Variants in LRP1B observed in about 807,000 individuals in gnomAD.
LRP1B encodes low-density lipoprotein receptor-related protein 1B.
A neutral mutation model predicts 556.6 loss-of-function variants in LRP1B; 217 were observed. The ratio of observed to expected loss-of-function variants is 0.39; its 90% CI spans 0.35 to 0.44. The LOEUF is 0.44. Ranked by LOEUF, LRP1B falls within the 20% of genes least tolerant of loss-of-function variation. The pLI, the probability that LRP1B is intolerant of heterozygous loss-of-function variation, is 1.00. For synonymous variants in LRP1B, 2,047 were observed against 1,865.8 expected, an observed-to-expected ratio of 1.10 and a Z score of -2.50; for missense variants, 5,053 against 5,620.8, an observed-to-expected ratio of 0.90 and a Z score of 3.23.
intron 18 of LRP1B, 40 bp downstream of exon 18, chr2:140,982,120 A>G: frequency 6.7e-7 from 1 of 1,496,572 alleles, no homozygotes; most frequent in East Asian, 2.3e-5. Flanking sequence ...ATCCTATCTG[A>G]CACAATCTGT....
intron 18 of LRP1B, among the ~76,000 whole-genome samples, chr2:140,958,808 A>C (rs1168442632): frequency 6.6e-6 from 1 of 151,608 alleles, no homozygotes; most frequent in Non-Finnish European, 1.5e-5. Context: ...TGGAGTGAGA[A>C]ATTTACCCAC....
At chr2:141,649,223 A>G (rs1689694497) in intron 2 of LRP1B, among the ~76,000 whole-genome samples, 1 of 152,142 alleles carries the variant, frequency 6.6e-6, no homozygotes, top group Non-Finnish European at 1.5e-5. Flanking sequence ...GCCTGGTAAG[A>G]TAAGGACAGG....
At chr2:140,809,799 C>A (rs1217990266) in intron 32 of LRP1B, among the ~76,000 whole-genome samples, 1 of 152,266 alleles carries the variant, frequency 6.6e-6, no homozygotes, top group Non-Finnish European at 1.5e-5. Context: ...GTGCTAAAAT[C>A]TTGACTGCCT....
At position 141,052,574 on chromosome 2, in the gene LRP1B, G is replaced by A. The variant is rs145144875; in HGVS notation, c.1552+2542C>T. 6.2e-3 allele frequency among the ~76,000 whole-genome samples: 936 copies of A among 152,092 alleles called. 13 individuals are homozygous for A. Among genetic ancestry groups the A allele is most frequent in the African/African-American group, 0.022 (900 of 41,536 alleles). On this transcript the variant is annotated intron_variant, in intron 10 of 90. Transcript: ENST00000389484. ...AATCAAAAGTAAAGTAGGATAACTT[G>A]TGAAATGATGTTGTCAGTTTTATGA... is the stretch of plus-strand genomic sequence containing the variant.
At chr2:140,609,838 A>G (rs1359927314) in intron 41 of LRP1B, among the ~76,000 whole-genome samples, 1 of 152,070 alleles carries the variant, frequency 6.6e-6, no homozygotes, top group Non-Finnish European at 1.5e-5. Context: ...TTCATTCTCC[A>G]TCCAGCAACT....
chr2:141,544,215 A>G (rs1685372492), intron 2 of LRP1B, among the ~76,000 whole-genome samples: 1 of 152,150 alleles, frequency 6.6e-6, no homozygotes, highest in Admixed American at 6.5e-5. Context: ...TCTAGTCATC[A>G]TAATTTCAAT....
intron 31 of LRP1B, among the ~76,000 whole-genome samples, chr2:140,816,651 C>A (rs9653169): frequency 2.6e-5 from 4 of 151,814 alleles, no homozygotes; most frequent in African/African-American, 9.7e-5. Context: ...CTCCATATAT[C>A]TTCTTTCCTG....
intron 7 of LRP1B, among the ~76,000 whole-genome samples, chr2:141,164,409 A>T (rs961178396): frequency 2.0e-5 from 3 of 152,094 alleles, no homozygotes; most frequent in Non-Finnish European, 4.4e-5. Flanking sequence ...AAACTAGCAA[A>T]CATATGCATA....
At chr2:140,407,233 A>G (rs911882853) in intron 66 of LRP1B, among the ~76,000 whole-genome samples, 2 of 152,146 alleles carry the variant, frequency 1.3e-5, no homozygotes, top group East Asian at 3.8e-4. Context: ...AAAACCATAA[A>G]AATTATAGAA....
intron 2 of LRP1B, among the ~76,000 whole-genome samples, chr2:141,674,661 T>C (rs1246058555): frequency 6.6e-6 from 1 of 152,028 alleles, no homozygotes; most frequent in Non-Finnish European, 1.5e-5. Flanking sequence ...GCCATTTTCC[T>C]ATTGCTATCT....
chr2:140,824,838 A>G (rs908488046), intron 31 of LRP1B, among the ~76,000 whole-genome samples: 7 of 152,144 alleles, frequency 4.6e-5, no homozygotes, highest in Non-Finnish European at 7.4e-5. Flanking sequence ...GAGACATATC[A>G]ATAAATCTTA....
intron 51 of LRP1B, among the ~76,000 whole-genome samples, chr2:140,512,401 A>T (rs1689706740): frequency 6.6e-6 from 1 of 152,180 alleles, no homozygotes; most frequent in Admixed American, 6.5e-5. Context: ...CCATCTGGAG[A>T]TATACTGCCT....
intron 32 of LRP1B, among the ~76,000 whole-genome samples, chr2:140,803,654 C>G (rs1157489541): frequency 1.3e-5 from 2 of 151,836 alleles, no homozygotes; most frequent in Non-Finnish European, 2.9e-5. Context: ...ACCCCCAGTC[C>G]TCAAAACATC....
chr2:140,668,009 T>C (rs1685339465), intron 41 of LRP1B, among the ~76,000 whole-genome samples: 1 of 152,080 alleles, frequency 6.6e-6, no homozygotes, highest in Admixed American at 6.6e-5. Context: ...AGACTTCTTG[T>C]AGCTTAGAAT....
chr2:141,210,609 A>G (rs1270365216), intron 6 of LRP1B, among the ~76,000 whole-genome samples: 2 of 152,198 alleles, frequency 1.3e-5, no homozygotes, highest in African/African-American at 4.8e-5. Flanking sequence ...TGTACCAAGT[A>G]TATGGCACAG....
chr2:140,464,539 G>GT (rs1687462791), intron 60 of LRP1B, among the ~76,000 whole-genome samples: 1 of 152,252 alleles, frequency 6.6e-6, no homozygotes, highest in Non-Finnish European at 1.5e-5. Context: ...TAGTACACTT[G>GT]TTTTGAAAAC....
rs896464597 is a variant in LRP1B, at chr2:140,569,891, T to A, written c.7195-27920A>T. 5.3e-5 allele frequency among the ~76,000 whole-genome samples: 8 copies of A among 151,834 alleles called. No homozygotes were observed. The East Asian group carries it at 1.5e-3, about 29-fold the overall frequency. The stretch of plus-strand genomic sequence containing the variant: ...ACTAGAAATCAATTAAAAGAGAAAC[T>A]CTTGAAAGCACACTGAAATTAAACA... On this transcript the variant is annotated intron_variant, in intron 43 of 90. Coordinates refer to ENST00000389484, the MANE Select transcript of LRP1B (RefSeq NM_018557.3).
At chr2:140,755,753 AAGATCAAGACT>A (rs1331139513) in intron 35 of LRP1B, among the ~76,000 whole-genome samples, 1 of 152,062 alleles carries the variant, frequency 6.6e-6, no homozygotes, top group Non-Finnish European at 1.5e-5. Context: ...TTTACCCCTT[AAGATCAAGACT>A]AGAACAAGAA....
At chr2:140,540,897 C>A (rs2105015959) in intron 45 of LRP1B, 76 bp downstream of exon 45, 2 of 1,473,966 alleles carry the variant, frequency 1.4e-6, no homozygotes, top group East Asian at 2.3e-5. Flanking sequence ...TTCATGAATA[C>A]ACTAACACAA....
Sources: allele counts gnomAD v4.1 joint callset (sites outside exome capture counted in the v4.1 genomes callset), GRCh38; gene constraint gnomAD v4.1.1; transcripts MANE v1.5; gene names NCBI Gene and HGNC (gene_info 2026-07-23, HGNC 2026-07-21).